Variants in NPIPB2 observed in about 807,000 individuals in gnomAD.
NPIPB2 encodes nuclear pore complex interacting protein family member B2, also known as nuclear pore complex-interacting protein family member B2.
NPIPB2 carries 27 observed loss-of-function variants against 30.8 expected under a neutral mutation model. That is an observed-to-expected ratio of 0.88 (90% CI 0.65 to 1.21). NPIPB2 has a LOEUF of 1.21. Among genes scored for constraint, NPIPB2 ranks in the 50% most tolerant of loss-of-function variants. The pLI, the probability that NPIPB2 is intolerant of heterozygous loss-of-function variation, is 0.00. For missense variants in NPIPB2, 440 were observed against 446.2 expected (o/e 0.99, Z 0.13); for synonymous variants, 147 against 162.0 (o/e 0.91, Z 0.70).
chr16:11,938,277 A>C (rs560863462), intron 1 of NPIPB2, among the ~76,000 whole-genome samples: 14 of 152,138 alleles, frequency 9.2e-5, no homozygotes, highest in Admixed American at 9.2e-4. Flanking sequence ...CAGCCTCCCA[A>C]AGTGCTGGGA....
rs556044061 is a variant in NPIPB2, at chr16:11,933,639, G to A, written c.366C>T (p.Asp122=). The change falls in exon 4 of 8, where the codon GAC becomes GAT. Residue 122 remains aspartate (D), a synonymous_variant. Coordinates refer to ENST00000399147, the Ensembl canonical transcript of NPIPB2. The stretch of plus-strand genomic sequence containing the variant: ...CCACATGTCTCCGTAGAGTAATGAC[G>A]TCTTTCAGGCCAATTTTATTTCCTG... 56 of 1,596,784 alleles carry A rather than the reference G, an allele frequency of 3.5e-5. 1 individual carries two copies. Among genetic ancestry groups the A allele is most frequent in the South Asian group, 1.2e-4 (11 of 90,974 alleles).
intron 1 of NPIPB2, among the ~76,000 whole-genome samples, chr16:11,947,460 T>C (rs2055023313): frequency 6.6e-6 from 1 of 151,548 alleles, no homozygotes; most frequent in Non-Finnish European, 1.5e-5. Context: ...TTCTCCTGCC[T>C]CAGCCTCCCG....
chr16:11,965,588 G>C lies in NPIPB2; in HGVS notation c.-584+10980C>G. On this transcript the variant is annotated intron_variant, in intron 1 of 5. Coordinates refer to the NPIPB2 transcript ENST00000538896. ...TCAAAAAGAGAAAGGAAGCAAGGCA[G>C]TGATTTTAATGTTTATGGAAACAAA... 5.4e-6 allele frequency: 5 copies of C among 928,564 alleles called. No homozygotes were observed. In the East Asian group the frequency reaches 7.6e-5, roughly 14 times the overall value. The allele number at this position is 928,564 out of a possible 1,614,324, so 57.5% of individuals were successfully genotyped here.
At chr16:11,946,595 G>C (rs1043984849), upstream of NPIPB2, among the ~76,000 whole-genome samples, 4 of 151,766 alleles carry the variant, frequency 2.6e-5, no homozygotes, top group South Asian at 2.1e-4. Context: ...TGCATAATGA[G>C]ATACTACTTC....
chr16:11,944,843 C>G (rs1395595369), upstream of NPIPB2, among the ~76,000 whole-genome samples: 1 of 151,236 alleles, frequency 6.6e-6, no homozygotes, highest in East Asian at 1.9e-4. Context: ...GAAGCCCTCT[C>G]TGTTCAAAAT....
At chr16:11,975,026 G>T (rs1260122566) in intron 1 of NPIPB2, among the ~76,000 whole-genome samples, 3 of 150,640 alleles carry the variant, frequency 2.0e-5, no homozygotes, top group Non-Finnish European at 4.4e-5. Context: ...AGTGAGCCAA[G>T]ATCGCGCCAC....
intron 1 of NPIPB2, among the ~76,000 whole-genome samples, chr16:11,951,460 CA>C (rs144775580): frequency 1.0e-4 from 5 of 49,810 alleles, no homozygotes; most frequent in African/African-American, 4.5e-4. Context: ...AAGACTGTCT[CA>C]AAAAAAAAAA....
At chr16:11,949,802 C>A (rs893361582) in intron 1 of NPIPB2, among the ~76,000 whole-genome samples, 20 of 152,162 alleles carry the variant, frequency 1.3e-4, no homozygotes, top group African/African-American at 4.6e-4. Flanking sequence ...CCCAGAGCGA[C>A]ATTGGGTGTC....
At chr16:11,972,038 C>T (rs62037669) in intron 1 of NPIPB2, among the ~76,000 whole-genome samples, 364 of 151,590 alleles carry the variant, frequency 2.4e-3, no homozygotes, top group Non-Finnish European at 3.9e-3. Flanking sequence ...CCCAGCTACT[C>T]GGGAGGCTGA....
intron 1 of NPIPB2, chr16:11,966,388 A>C: frequency 6.4e-7 from 1 of 1,572,574 alleles, no homozygotes. Context: ...GGGGATGGCT[A>C]TTGTGAGTTT....
At chr16:11,972,305 G>A (rs957974618) in intron 1 of NPIPB2, among the ~76,000 whole-genome samples, 5 of 152,320 alleles carry the variant, frequency 3.3e-5, no homozygotes, top group African/African-American at 2.4e-5. Flanking sequence ...GCTGGATGCC[G>A]CGGCTCACGC....
exon 8 of NPIPB2, chr16:11,927,663 C>T (rs544766302): frequency 8.4e-4 from 1,336 of 1,597,198 alleles, no homozygotes; most frequent in Middle Eastern, 3.5e-3. Context: ...AGCAGACACT[C>T]GGGAGGTGTC....
chr16:11,937,817 G>A, intron 1 of NPIPB2, 149 bp from the exon 2 acceptor site: 1 of 1,438,092 alleles, frequency 7.0e-7, no homozygotes, highest in East Asian at 2.3e-5. Context: ...TTACAAAAAA[G>A]AACAGAAGTT....
chr16:11,968,137 G>C, intron 1 of NPIPB2: 1 of 289,296 alleles, frequency 3.5e-6, no homozygotes, highest in Non-Finnish European at 6.5e-6. Context: ...GTGAGGGTGG[G>C]AGAGAAAGGT....
intron 1 of NPIPB2, among the ~76,000 whole-genome samples, chr16:11,947,296 TTTTA>T (rs146457872): frequency 5.9e-4 from 80 of 135,954 alleles, no homozygotes; most frequent in African/African-American, 1.8e-3. Context: ...CATACACATA[TTTTA>T]TTTATTTATT....
exon 1 of NPIPB2, chr16:11,976,587 T>C (rs977519607): frequency 2.8e-6 from 1 of 362,048 alleles, no homozygotes; most frequent in Non-Finnish European, 4.9e-6. Flanking sequence ...CCAGCCCGCG[T>C]AGCCTCAGCA....
At chr16:11,942,026 T>C in exon 1 of NPIPB2, 1 of 1,351,306 alleles carries the variant, frequency 7.4e-7, no homozygotes, top group Non-Finnish European at 1.0e-6. Flanking sequence ...CAGCCATTCA[T>C]ATCCTAAGCA....
intron 1 of NPIPB2, chr16:11,965,262 A>G: frequency 6.4e-6 from 10 of 1,563,548 alleles, no homozygotes; most frequent in Non-Finnish European, 8.8e-6. Flanking sequence ...GAATTCTTGT[A>G]GAGATATTAC....
chr16:11,951,326 T>C (rs1403778016), intron 1 of NPIPB2, among the ~76,000 whole-genome samples: 1 of 150,466 alleles, frequency 6.6e-6, no homozygotes, highest in African/African-American at 2.4e-5. Flanking sequence ...TAGCCGGGCA[T>C]AGTGGCGGGC....
Sources: allele counts gnomAD v4.1 joint callset (sites outside exome capture counted in the v4.1 genomes callset), GRCh38; gene constraint gnomAD v4.1.1; transcripts MANE v1.5; gene names NCBI Gene and HGNC (gene_info 2026-07-23, HGNC 2026-07-21).